Variants in LNX1 observed in about 807,000 individuals in gnomAD.
LNX1 encodes the protein E3 ubiquitin-protein ligase LNX.
LNX1 carries 54 observed loss-of-function variants against 68.4 expected under a neutral mutation model. The ratio of observed to expected loss-of-function variants is 0.79; its 90% CI spans 0.63 to 0.99. LNX1 has a LOEUF of 0.99. LNX1 is among the 50% of genes least tolerant of loss of function. The probability of loss-of-function intolerance (pLI) is 0.00; values close to 1 mark genes in which losing one functional copy is unlikely to be tolerated. For synonymous variants in LNX1, 336 were observed against 350.0 expected (o/e 0.96, Z 0.45); for missense variants, 906 against 926.4 (o/e 0.98, Z 0.29).
chr4:53,496,092 G>A lies in LNX1; in HGVS notation c.1281C>T (p.Asp427=). 1 of 1,614,152 alleles carries A rather than the reference G, an allele frequency of 6.2e-7. No individual in the cohort carries two copies. The highest frequency in any genetic ancestry group is 8.5e-7 in the Non-Finnish European group (1 of 1,180,034). ...AYRHGQLEEN[D]RVLAINGHDL... is the part of the protein sequence containing the mutation. ...CATGTCCATTGATGGCTAACACACG[G>A]TCATTCTCCTCAAGCTGACCATGTC... The change falls in exon 6 of 11, where the codon GAC becomes GAT. Residue 427 remains aspartate (D), a synonymous_variant. Transcript: ENST00000263925.
Position 53,460,965 on chromosome 4 carries a change from T to C in LNX1, c.2129A>G (p.Lys710Arg). 1 of 1,610,798 alleles carries C rather than the reference T, an allele frequency of 6.2e-7. No individual in the cohort carries two copies. The highest frequency in any genetic ancestry group is 1.1e-5 in the South Asian group (1 of 90,462). ...MIHACLARLL[K>R]ELKGRITLTI... The stretch of plus-strand genomic sequence containing the variant: ...TAGAGTAATTCTTCCTTTAAGTTCT[T>C]TCAGCAGTCTTGCCAAGCAAGCATG... The change falls in exon 11 of 11, where the codon AAA becomes AGA. Residue 710 changes from lysine (K) to arginine (R), a missense_variant. Physicochemically the swap from Lys to Arg is conservative, Grantham distance 26. Coordinates refer to ENST00000263925, the MANE Select transcript of LNX1 (RefSeq NM_001126328.3).
chr4:53,576,697 C>A (rs1731512113), intron 1 of LNX1, among the ~76,000 whole-genome samples: 1 of 151,956 alleles, frequency 6.6e-6, no homozygotes, highest in Non-Finnish European at 1.5e-5. Context: ...TTCCTCTTTT[C>A]CAAAAGTAAA....
intron 1 of LNX1, among the ~76,000 whole-genome samples, chr4:53,652,000 C>G (rs1735115405): frequency 6.8e-6 from 1 of 146,338 alleles, no homozygotes; most frequent in Admixed American, 6.9e-5. Context: ...TTAGACTCTC[C>G]TCAATTTGAT....
intron 1 of LNX1, among the ~76,000 whole-genome samples, chr4:53,635,121 T>C (rs1734422025): frequency 6.6e-6 from 1 of 152,200 alleles, no homozygotes; most frequent in African/African-American, 2.4e-5. Flanking sequence ...TGAGCCATGG[T>C]GCCCAGCCCC....
intron 1 of LNX1, among the ~76,000 whole-genome samples, chr4:53,575,131 G>A (rs1375947904): frequency 7.9e-5 from 12 of 152,104 alleles, no homozygotes; most frequent in East Asian, 1.9e-4. Context: ...ACAGGCGCGC[G>A]CCACCATGCC....
chr4:53,522,443 A>C (rs1577656275), intron 2 of LNX1, among the ~76,000 whole-genome samples: 1 of 152,234 alleles, frequency 6.6e-6, no homozygotes, highest in East Asian at 1.9e-4. Flanking sequence ...TCCAACACAG[A>C]AATAAAGCAG....
chr4:53,618,466 C>T (rs1009891041), upstream of LNX1, among the ~76,000 whole-genome samples: 1 of 152,108 alleles, frequency 6.6e-6, no homozygotes, highest in East Asian at 1.9e-4. Context: ...ACTCAAAGAA[C>T]AAAAACTGGA....
chr4:53,473,516 C>A (rs1001884127), intron 9 of LNX1, among the ~76,000 whole-genome samples: 2 of 152,146 alleles, frequency 1.3e-5, no homozygotes, highest in Non-Finnish European at 1.5e-5. Context: ...ACGGATGGAT[C>A]TGGAGGACAT....
chr4:53,538,499 C>G (rs1170247647), intron 2 of LNX1, among the ~76,000 whole-genome samples: 1 of 152,156 alleles, frequency 6.6e-6, no homozygotes, highest in Non-Finnish European at 1.5e-5. Context: ...CATGAGGGTT[C>G]ATCGTTGAAA....
chr4:53,596,079 G>A (rs1181742485), upstream of LNX1, among the ~76,000 whole-genome samples: 1 of 152,148 alleles, frequency 6.6e-6, no homozygotes, highest in Non-Finnish European at 1.5e-5. Flanking sequence ...AATGGGCTCA[G>A]CTCCATATCT....
At chr4:53,536,892 T>C (rs960279431) in intron 2 of LNX1, among the ~76,000 whole-genome samples, 1 of 152,264 alleles carries the variant, frequency 6.6e-6, no homozygotes, top group Non-Finnish European at 1.5e-5. Flanking sequence ...TTAGTATAGA[T>C]GTAGAATTTC....
At chr4:53,467,830 A>G (rs1446986523) in intron 9 of LNX1, among the ~76,000 whole-genome samples, 1 of 152,246 alleles carries the variant, frequency 6.6e-6, no homozygotes, top group Non-Finnish European at 1.5e-5. Context: ...TCCAAGAAAT[A>G]TGGGACTATG....
chr4:53,558,275 G>T, intron 2 of LNX1: 1 of 1,142,654 alleles, frequency 8.8e-7, no homozygotes, highest in Non-Finnish European at 1.1e-6. Context: ...GATGCGGACT[G>T]GTTCTTGGGA....
intron 6 of LNX1, among the ~76,000 whole-genome samples, chr4:53,489,962 T>C (rs1724569819): frequency 6.6e-6 from 1 of 152,130 alleles, no homozygotes; most frequent in Non-Finnish European, 1.5e-5. Context: ...GGGACTTGAA[T>C]GTTTACAGTA....
At position 53,461,029 on chromosome 4, in the gene LNX1, G is replaced by A; in HGVS notation, c.2065C>T (p.Leu689Phe). The A allele has an allele frequency of 6.4e-7, 1 of 1,564,868 alleles. No homozygotes were observed. The highest frequency in any genetic ancestry group is 8.6e-7 in the Non-Finnish European group (1 of 1,161,352). ...GTACTTCTACCATTGACAGCAAGAA[G>A]AATATCACCACATCTAAAAAAAAAA... ...NDGRIRCGDI[L>F]LAVNGRSTSG... The change falls in exon 11 of 11, where the codon CTT becomes TTT. Residue 689 changes from leucine (L) to phenylalanine (F), a missense_variant. Physicochemically the swap from Leu to Phe is conservative, Grantham distance 22. Transcript: ENST00000263925.
chr4:53,475,558 C>T (rs187483676), intron 9 of LNX1, among the ~76,000 whole-genome samples: 86 of 152,276 alleles, frequency 5.6e-4, no homozygotes, highest in African/African-American at 1.9e-3. Flanking sequence ...TCAAGAAAAA[C>T]GTACTAAAAC....
At position 53,496,177 on chromosome 4, in the gene LNX1, C is replaced by T. The variant is rs769520904; in HGVS notation, c.1196G>A (p.Arg399His). 57 of 1,614,028 alleles carry T rather than the reference C, an allele frequency of 3.5e-5. No homozygotes were observed. Among genetic ancestry groups the T allele is most frequent in the South Asian group, 5.5e-5 (5 of 91,080 alleles). ...GAAAACCCCAGGCTCATCCACCTTGCGCACCAGTTTTATTCCAAGCTGCTC... is the reference window on the plus strand; with the variant it reads ...GAAAACCCCAGGCTCATCCACCTTGTGCACCAGTTTTATTCCAAGCTGCTC... Reference protein sequence around the residue: ...PEEQLGIKLVRKVDEPGVFIF... With the variant: ...PEEQLGIKLVHKVDEPGVFIF... The change falls in exon 6 of 11, where the codon CGC (arginine) becomes CAC (histidine). Residue 399 changes from arginine to histidine, a missense_variant. Arg to His is a conservative substitution (Grantham distance 29). Transcript: ENST00000263925.
chr4:53,574,576 G>A (rs1393071843), intron 1 of LNX1, among the ~76,000 whole-genome samples: 1 of 152,158 alleles, frequency 6.6e-6, no homozygotes, highest in Non-Finnish European at 1.5e-5. Context: ...AGAAAATAGT[G>A]CTGTTGAGCC....
intron 9 of LNX1, among the ~76,000 whole-genome samples, chr4:53,462,518 TA>T (rs1425425451): frequency 2.6e-5 from 4 of 152,114 alleles, no homozygotes; most frequent in African/African-American, 9.6e-5. Context: ...TTTGTTTATA[TA>T]CCGTACCTTA....
Sources: allele counts gnomAD v4.1 joint callset (sites outside exome capture counted in the v4.1 genomes callset), GRCh38; gene constraint gnomAD v4.1.1; transcripts MANE v1.5; gene names NCBI Gene and HGNC (gene_info 2026-07-23, HGNC 2026-07-21).